Variants in SYCP1 observed in about 807,000 individuals in gnomAD.
SYCP1 encodes the protein cancer/testis antigen 8.
A neutral mutation model predicts 153.1 loss-of-function variants in SYCP1; 64 were observed. The ratio of observed to expected loss-of-function variants is 0.42; its 90% CI spans 0.34 to 0.51. The LOEUF (loss-of-function observed/expected upper bound fraction) is 0.51. SYCP1 is among the 20% of genes least tolerant of loss of function. SYCP1 has a pLI of 0.06. For missense variants in SYCP1, 997 were observed against 1,049.0 expected (o/e 0.95, Z 0.68); for synonymous variants, 384 against 341.8 (o/e 1.12, Z -1.36).
Position 114,926,508 on chromosome 1 carries a change from C to T in SYCP1, c.1871C>T (p.Ala624Val). ...YIEELQQENK[A>V]LKKKGTAESK... ...TATTTTTAATTTTAACAGAATAAGG[C>T]CTTGAAAAAAAAAGGTACAGCAGAA... Residue 624 changes from alanine to valine, a missense_variant, in exon 23 of 32, where the codon GCC (alanine) becomes GTC (valine). Ala to Val is a moderately conservative substitution (Grantham distance 64, BLOSUM62 0). This residue lies in a region of SYCP1 where 712 missense variants were observed against 682.9 expected (regional missense o/e 1.04). Coordinates refer to ENST00000369522, the MANE Select transcript of SYCP1 (RefSeq NM_003176.4). The T allele has an allele frequency of 6.3e-7, 1 of 1,580,348 alleles. No individual in the cohort carries two copies. The highest frequency in any genetic ancestry group is 8.6e-7 in the Non-Finnish European group (1 of 1,163,600).
intron 15 of SYCP1, among the ~76,000 whole-genome samples, chr1:114,892,570 G>A (rs1331392888): frequency 3.3e-5 from 5 of 152,122 alleles, no homozygotes; most frequent in Non-Finnish European, 7.3e-5. Context: ...TGTCCTTGGG[G>A]TGTTTGCAAA....
chr1:114,994,411 A>G lies in SYCP1; in HGVS notation c.2704-287A>G, dbSNP rs533186251. 1.5e-4 allele frequency among the ~76,000 whole-genome samples: 22 copies of G among 151,580 alleles called. No individual in the cohort carries two copies. The South Asian group carries it at 4.6e-3, about 31-fold the overall frequency. On this transcript the variant is annotated intron_variant, in intron 30 of 31. Coordinates refer to ENST00000369522, the MANE Select transcript of SYCP1 (RefSeq NM_003176.4). ...AATCAGTAGAGAAATGCTACTCGCT[A>G]TACATGTCTTGTATTTCACATAGCC...
At chr1:114,964,687 G>T (rs1671995410) in intron 27 of SYCP1, among the ~76,000 whole-genome samples, 1 of 152,152 alleles carries the variant, frequency 6.6e-6, no homozygotes, top group African/African-American at 2.4e-5. Context: ...GATGGTTGTA[G>T]ATGTGTGGTG....
intron 3 of SYCP1, 98 bp downstream of exon 3, chr1:114,856,755 T>C (rs1159309390): frequency 2.2e-6 from 2 of 898,114 alleles, no homozygotes; most frequent in East Asian, 2.8e-5. Flanking sequence ...TATATAAGTA[T>C]AATTGACACA....
chr1:114,958,613 T>C (rs1349950997), intron 27 of SYCP1, among the ~76,000 whole-genome samples: 1 of 151,924 alleles, frequency 6.6e-6, no homozygotes. Flanking sequence ...CTTTTTATTA[T>C]TCAGTTTTAA....
At chr1:114,957,231 ATTTTT>A (rs1254232236) in intron 27 of SYCP1, among the ~76,000 whole-genome samples, 1 of 152,104 alleles carries the variant, frequency 6.6e-6, no homozygotes, top group Non-Finnish European at 1.5e-5. Context: ...CACCCAGCTA[ATTTTT>A]AAATTTTTTG....
chr1:114,911,233 A>G lies in SYCP1; in HGVS notation c.1426-246A>G, dbSNP rs576900047. ...TTACTTGGCAGAGTGAGAATATTTT[A>G]TAGCATATAAATGTTTTTCTGGTTG... On this transcript the variant is annotated intron_variant, in intron 17 of 31. Coordinates refer to ENST00000369522, the MANE Select transcript of SYCP1 (RefSeq NM_003176.4). Among the ~76,000 whole-genome samples, 17 of 152,190 alleles carry G rather than the reference A, an allele frequency of 1.1e-4. 1 individual carries two copies. The Middle Eastern group carries it at 0.01, about 93-fold the overall frequency.
At chr1:114,888,025 CTG>C (rs886813732) in intron 15 of SYCP1, among the ~76,000 whole-genome samples, 77 of 152,114 alleles carry the variant, frequency 5.1e-4, no homozygotes, top group African/African-American at 1.6e-3. Context: ...TGAGAAATGT[CTG>C]TTATTGTTTA....
In SYCP1 at chr1:114,903,006, C is replaced by T. The variant is rs11102850; in HGVS notation, c.1321-7391C>T. Among the ~76,000 whole-genome samples the T allele has an allele frequency of 3.8e-3, 582 of 152,036 alleles. 6 individuals are homozygous for T. Among genetic ancestry groups the T allele is most frequent in the African/African-American group, 0.013 (547 of 41,462 alleles). ...ATCGGCCTAGACAGTATGGCAAAACCCTGTCTCTACTAAAAATACAAAAAT... is the reference window on the plus strand; with the variant it reads ...ATCGGCCTAGACAGTATGGCAAAACTCTGTCTCTACTAAAAATACAAAAAT... On this transcript the variant is annotated intron_variant, in intron 16 of 31. Coordinates refer to ENST00000369522, the MANE Select transcript of SYCP1 (RefSeq NM_003176.4).
At position 114,886,172 on chromosome 1, in the gene SYCP1, A is replaced by C. The variant is rs1174283755; in HGVS notation, c.1053A>C (p.Thr351=). The C allele has an allele frequency of 6.2e-7, 1 of 1,611,008 alleles. No homozygotes were observed. Among genetic ancestry groups the C allele is most frequent in the Admixed American group, 1.7e-5 (1 of 59,450 alleles). Residue 351 remains threonine, a synonymous_variant, in exon 14 of 32, where the codon ACA becomes ACC. Coordinates refer to ENST00000369522, the MANE Select transcript of SYCP1 (RefSeq NM_003176.4). Reference sequence around the variant, plus strand: ...AAGATTTACAGATAGCAACAAAAACAATTTGTCAGCTAACTGAAGAAAAAG... The same window carrying C: ...AAGATTTACAGATAGCAACAAAAACCATTTGTCAGCTAACTGAAGAAAAAG... ...LEEDLQIATK[T]ICQLTEEKET... is the part of the protein sequence containing the mutation.
At chr1:114,910,174 T>G (rs1668084841) in intron 16 of SYCP1, 1 of 303,218 alleles carries the variant, frequency 3.3e-6, no homozygotes, top group African/African-American at 2.2e-5. Context: ...ATTAATCATC[T>G]GTAACTAAAC....
intron 16 of SYCP1, among the ~76,000 whole-genome samples, chr1:114,907,789 G>T (rs945702906): frequency 6.6e-6 from 1 of 151,902 alleles, no homozygotes; most frequent in Non-Finnish European, 1.5e-5. Flanking sequence ...CACCGTGTTA[G>T]CCAGGATGGT....
chr1:114,890,071 G>C (rs1666596007), intron 15 of SYCP1, among the ~76,000 whole-genome samples: 1 of 151,834 alleles, frequency 6.6e-6, no homozygotes, highest in Admixed American at 6.6e-5. Context: ...AATATATTTT[G>C]ACAAATTTGA....
At chr1:114,885,193 T>A (rs974027250) in intron 12 of SYCP1, among the ~76,000 whole-genome samples, 3 of 152,182 alleles carry the variant, frequency 2.0e-5, no homozygotes, top group Non-Finnish European at 4.4e-5. Flanking sequence ...TAATAATCAA[T>A]AAAATTTGTA....
At chr1:114,875,784 A>T (rs1665486055) in intron 9 of SYCP1, among the ~76,000 whole-genome samples, 1 of 152,218 alleles carries the variant, frequency 6.6e-6, no homozygotes, top group East Asian at 1.9e-4. Context: ...AAAATTACAG[A>T]TTTTGATACA....
At chr1:114,926,432 G>T (rs965218903) in intron 22 of SYCP1, 69 bp from the exon 23 acceptor site, 1 of 1,484,644 alleles carries the variant, frequency 6.7e-7, no homozygotes. Context: ...AGTAATTTAA[G>T]TCTAAGTCAG....
At chr1:114,959,708 C>G (rs552872542) in intron 27 of SYCP1, among the ~76,000 whole-genome samples, 1 of 152,082 alleles carries the variant, frequency 6.6e-6, no homozygotes, top group Admixed American at 6.6e-5. Context: ...AACCATTCTC[C>G]TTTCCCCACA....
chr1:114,932,361 AT>A (rs1669688139), intron 23 of SYCP1, among the ~76,000 whole-genome samples: 1 of 152,350 alleles, frequency 6.6e-6, no homozygotes, highest in East Asian at 1.9e-4. Flanking sequence ...TAATAAAAAA[AT>A]AAATATCTCA....
chr1:114,981,544 A>T, intron 29 of SYCP1, 32 bp downstream of exon 29: 1 of 1,535,884 alleles, frequency 6.5e-7, no homozygotes, highest in Non-Finnish European at 8.8e-7. Flanking sequence ...GTTAGTAGTA[A>T]TTTTTTAAAT....
Sources: gnomAD v4.1 joint callset for allele counts (sites outside exome capture counted in the v4.1 genomes callset) on GRCh38, gnomAD v4.1.1 for gene constraint, gnomAD v4.1.1 regional missense constraint, MANE v1.5 for transcripts, NCBI Gene and HGNC (gene_info 2026-07-23, HGNC 2026-07-21) for gene names.